The following ROCK2 variants were observed in gnomAD, a reference collection of about 807,000 sequenced individuals.
ROCK2 encodes rho-associated protein kinase 2.
Under a neutral mutation model 195.1 loss-of-function variants are expected in ROCK2, and 61 were observed. The observed-to-expected ratio is 0.31, with a 90% CI of 0.25 to 0.39. ROCK2 has a LOEUF of 0.39. Ranked by LOEUF, ROCK2 falls within the 10% of genes least tolerant of loss-of-function variation. ROCK2 has a pLI of 1.00. For synonymous variants in ROCK2, 504 were observed against 545.5 expected, an observed-to-expected ratio of 0.92 and a Z score of 1.06; for missense variants, 1,109 against 1,637.4, an observed-to-expected ratio of 0.68 and a Z score of 5.57.
chr2:11,234,431 G>C (rs1428717630), intron 5 of ROCK2: 2 of 152,080 alleles, frequency 1.3e-5, no homozygotes, highest in Admixed American at 6.5e-5. Context: ...CATAAGTTTA[G>C]CATTCTATTA....
chr2:11,333,286 C>T (rs1430207562), intron 1 of ROCK2, among the ~76,000 whole-genome samples: 1 of 152,146 alleles, frequency 6.6e-6, no homozygotes, highest in Admixed American at 6.5e-5. Flanking sequence ...ATTCTAAGAG[C>T]TAATAAGAGA....
rs2148286436 is a variant in ROCK2 at position 11,344,154 on chromosome 2, C to G, written c.-18G>C. The G allele has an allele frequency of 7.1e-7, 1 of 1,410,044 alleles. No individual in the cohort carries two copies. Among genetic ancestry groups the G allele is most frequent in the Admixed American group, 3.5e-5 (1 of 28,446 alleles). 87.3% of individuals were successfully genotyped at this position (1,410,044 alleles called of 1,614,324 possible). Reference sequence around the variant, plus strand: ...CGGCTCATGCCGCCACCGCTGGACCCGCACTCAGGCTCCTCGCGCTCAGGT... The same window carrying G: ...CGGCTCATGCCGCCACCGCTGGACCGGCACTCAGGCTCCTCGCGCTCAGGT... On this transcript the variant is annotated 5_prime_UTR_variant, in exon 1 of 33. Coordinates refer to ENST00000315872, the MANE Select transcript of ROCK2 (RefSeq NM_004850.5). The surrounding 1 kb of genome is among the most constrained non-coding windows in gnomAD (Gnocchi z 5.4).
chr2:11,341,020 G>C (rs920184617), intron 1 of ROCK2, among the ~76,000 whole-genome samples: 2 of 151,806 alleles, frequency 1.3e-5, no homozygotes, highest in African/African-American at 4.8e-5. Flanking sequence ...TGACAACAAA[G>C]CATAGGTATT....
intron 3 of ROCK2, among the ~76,000 whole-genome samples, chr2:11,268,891 C>G (rs10178332): frequency 6.6e-6 from 1 of 151,944 alleles, no homozygotes; most frequent in Non-Finnish European, 1.5e-5. Context: ...CCCACAGTAT[C>G]TATTTTGTTC....
chr2:11,343,536 GGA>G (rs879648143), intron 1 of ROCK2, among the ~76,000 whole-genome samples: 1 of 152,198 alleles, frequency 6.6e-6, no homozygotes, highest in African/African-American at 2.4e-5. Flanking sequence ...CAGACTAAAA[GGA>G]GAGAGTGAGG....
chr2:11,265,778 T>C (rs1666391126), intron 3 of ROCK2, among the ~76,000 whole-genome samples: 1 of 152,156 alleles, frequency 6.6e-6, no homozygotes, highest in African/African-American at 2.4e-5. Context: ...AACATTTTTC[T>C]TAGGAATAAG....
chr2:11,282,391 G>A (rs2148185859), intron 3 of ROCK2, among the ~76,000 whole-genome samples: 1 of 151,952 alleles, frequency 6.6e-6, no homozygotes, highest in Admixed American at 6.6e-5. Context: ...GAACAAAATG[G>A]GAGGGATGAA....
At position 11,208,457 on chromosome 2, in the gene ROCK2, TA is replaced by T; in HGVS notation, c.2204-11del. On this transcript the variant is annotated splice_polypyrimidine_tract_variant and intron_variant, in intron 18 of 32. Transcript: ENST00000315872. Reference sequence around the variant, plus strand: ...AGCTTCTTCTCCATTTCTAGTATAATAAAAATGGACACAATCATAAATTTAC... The same window carrying T: ...AGCTTCTTCTCCATTTCTAGTATAATAAAATGGACACAATCATAAATTTAC... 4 of 1,433,054 alleles carry T rather than the reference TA, an allele frequency of 2.8e-6. No homozygotes were observed. Among genetic ancestry groups the T allele is most frequent in the Admixed American group, 2.2e-5 (1 of 45,606 alleles). The allele number at this position is 1,433,054 out of a possible 1,614,324, so 88.8% of individuals were successfully genotyped here.
At chr2:11,194,917 A>T in intron 28 of ROCK2, 38 bp downstream of exon 28, 2 of 1,266,314 alleles carry the variant, frequency 1.6e-6, no homozygotes, top group South Asian at 1.4e-5. Flanking sequence ...TAAAACAAAA[A>T]CAAAAACAAA....
At chr2:11,275,778 C>T (rs1462640785) in intron 3 of ROCK2, among the ~76,000 whole-genome samples, 1 of 148,208 alleles carries the variant, frequency 6.7e-6, no homozygotes, top group African/African-American at 2.5e-5. Context: ...CAGCTCACTG[C>T]AACCTCCACC....
intron 4 of ROCK2, among the ~76,000 whole-genome samples, chr2:11,241,171 G>A (rs1047136165): frequency 6.6e-6 from 1 of 152,138 alleles, no homozygotes; most frequent in Non-Finnish European, 1.5e-5. Flanking sequence ...CATCATGGAT[G>A]AATCTCAAAA....
chr2:11,301,241 A>C (rs1305563124), intron 1 of ROCK2, among the ~76,000 whole-genome samples: 6 of 152,182 alleles, frequency 3.9e-5, no homozygotes, highest in Non-Finnish European at 8.8e-5. Context: ...GTCCATGTAT[A>C]CAAATTATAA....
In ROCK2 at chr2:11,183,208, A is replaced by ATC; in HGVS notation, c.*227_*228dup. 2.3e-6 allele frequency: 1 copy of ATC among 434,816 alleles called. No individual in the cohort carries two copies. The highest frequency in any genetic ancestry group is 5.2e-5 in the South Asian group (1 of 19,064). 26.9% of individuals were successfully genotyped at this position (434,816 alleles called of 1,614,324 possible). A position where few individuals can be genotyped will look rare whatever the true frequency, so the allele number is the denominator to read the frequency against. On this transcript the variant is annotated 3_prime_UTR_variant, in exon 33 of 33. Transcript: ENST00000315872. ...GGAAAAGTCTGGAAGAGTTGCATAT[A>ATC]TCCTTAGTCTATCAACCAATCATTG...
intron 1 of ROCK2, among the ~76,000 whole-genome samples, chr2:11,292,386 C>A (rs1667389618): frequency 6.6e-6 from 1 of 152,108 alleles, no homozygotes; most frequent in Non-Finnish European, 1.5e-5. Flanking sequence ...TAAGTTAATA[C>A]TATTGTCATA....
At position 11,192,412 on chromosome 2, in the gene ROCK2, C is replaced by G. The variant is rs1572222194; in HGVS notation, c.3949+39G>C. The G allele has an allele frequency of 5.6e-6, 9 of 1,610,854 alleles. No homozygotes were observed. Among genetic ancestry groups the G allele is most frequent in the Middle Eastern group, 1.7e-4 (1 of 5,944 alleles). ...ATTAATGTGCTTAAAATGATCTGAACATAACCAATATCGATGGAGCAAGTA... is the reference window on the plus strand; with the variant it reads ...ATTAATGTGCTTAAAATGATCTGAAGATAACCAATATCGATGGAGCAAGTA... On this transcript the variant is annotated intron_variant, in intron 31 of 32. Transcript: ENST00000315872. The surrounding 1 kb of genome is among the most constrained non-coding windows in gnomAD (Gnocchi z 5.0).
chr2:11,268,236 G>T lies in ROCK2; in HGVS notation c.324+18303C>A, dbSNP rs921736296. 2.6e-5 allele frequency among the ~76,000 whole-genome samples: 4 copies of T among 152,146 alleles called. No homozygotes were observed. In the East Asian group the frequency reaches 7.7e-4, roughly 29 times the overall value. ...TGAGCTGTAACTGACAAATTGCTGG[G>T]GGCTAAGTGGTGGTCAAGTCAGAAA... is the stretch of plus-strand genomic sequence containing the variant. On this transcript the variant is annotated intron_variant, in intron 3 of 32. Transcript: ENST00000315872.
intron 17 of ROCK2, among the ~76,000 whole-genome samples, chr2:11,213,010 G>A (rs1356753630): frequency 6.6e-6 from 1 of 152,114 alleles, no homozygotes; most frequent in African/African-American, 2.4e-5. Context: ...TATATATCTT[G>A]TCACAACCTA....
rs1662923182 is a variant in ROCK2 at position 11,180,103 on chromosome 2, G to A, written c.*3334C>T. ...GCTGAAGCCTTATTCCAGGGAAGGA[G>A]AGGTGAGTCAGTAGCAGTGTCAATG... On this transcript the variant is annotated 3_prime_UTR_variant, in exon 33 of 33. Coordinates refer to ENST00000315872, the MANE Select transcript of ROCK2 (RefSeq NM_004850.5). 6.6e-6 allele frequency: 1 copy of A among 152,302 alleles called. No individual in the cohort carries two copies. Among genetic ancestry groups the A allele is most frequent in the African/African-American group, 2.4e-5 (1 of 41,560 alleles). 9.4% of individuals were successfully genotyped at this position (152,302 alleles called of 1,614,324 possible).
chr2:11,185,267 A>G (rs1390534362), intron 32 of ROCK2, among the ~76,000 whole-genome samples: 2 of 152,198 alleles, frequency 1.3e-5, no homozygotes, highest in Non-Finnish European at 2.9e-5. Flanking sequence ...TGTCACCAAG[A>G]GCTTTGTCCT....
Sources: allele counts gnomAD v4.1 joint callset (sites outside exome capture counted in the v4.1 genomes callset), GRCh38; gene constraint gnomAD v4.1.1; non-coding constraint Gnocchi (gnomAD v3.1); transcripts MANE v1.5; gene names NCBI Gene and HGNC (gene_info 2026-07-23, HGNC 2026-07-21).